The following DNAAF5 variants were observed in gnomAD, a reference collection of about 807,000 sequenced individuals.
DNAAF5 encodes dynein axonemal assembly factor 5, also known as HEAT repeat containing 2.
DNAAF5 carries 64 observed loss-of-function variants against 75.8 expected under a neutral mutation model. The observed-to-expected ratio is 0.84, with a 90% CI of 0.69 to 1.04. DNAAF5 has a LOEUF of 1.04. Among genes scored for constraint, DNAAF5 ranks in the 50% least tolerant of loss-of-function variants. DNAAF5 has a pLI of 0.00. For synonymous variants in DNAAF5, 657 were observed against 557.2 expected (o/e 1.18, Z -2.52); for missense variants, 1,269 against 1,178.5 (o/e 1.08, Z -1.12).
chr7:756,238 A>G (rs1219720876), intron 5 of DNAAF5, among the ~76,000 whole-genome samples: 8 of 103,974 alleles, frequency 7.7e-5, no homozygotes, highest in African/African-American at 1.5e-4. Flanking sequence ...TGTGGTGTCC[A>G]CTGTGGAATC....
At chr7:753,056 G>A (rs1357811212) in intron 4 of DNAAF5, among the ~76,000 whole-genome samples, 5 of 152,216 alleles carry the variant, frequency 3.3e-5, no homozygotes, top group South Asian at 2.1e-4. Flanking sequence ...TGAGCGTACC[G>A]CGTGCCGCTG....
rs1374109856 is a variant in DNAAF5, at chr7:769,090, C to G, written c.1784-1381C>G. ...AGCCAGAGCAGCGAGTACATTGCGT[C>G]TCCGTGTGGCAAGGGCAGGTGCGGG... On this transcript the variant is annotated intron_variant, in intron 8 of 12. Transcript: ENST00000297440. The G allele has an allele frequency of 1.1e-5, 8 of 728,670 alleles. No individual in the cohort carries two copies. The East Asian group carries it at 2.1e-4, about 19-fold the overall frequency. 45.1% of individuals were successfully genotyped at this position (728,670 alleles called of 1,614,324 possible).
At chr7:776,220 C>T (rs907887071) in intron 11 of DNAAF5, among the ~76,000 whole-genome samples, 1 of 152,046 alleles carries the variant, frequency 6.6e-6, no homozygotes, top group African/African-American at 2.4e-5. Context: ...CCTGTAGTTC[C>T]AGCTACTCAG....
At chr7:767,208 C>A (rs917972983) in intron 8 of DNAAF5, among the ~76,000 whole-genome samples, 1 of 139,590 alleles carries the variant, frequency 7.2e-6, no homozygotes, top group African/African-American at 2.7e-5. Context: ...CACTGCCCTC[C>A]AGCCTAGGCG....
intron 11 of DNAAF5, among the ~76,000 whole-genome samples, chr7:778,943 G>A (rs1263158559): frequency 1.3e-5 from 2 of 152,272 alleles, no homozygotes; most frequent in African/African-American, 2.4e-5. Context: ...CATAATGCCT[G>A]GATGTGCTCC....
At chr7:757,552 C>G (rs567182457) in intron 6 of DNAAF5, among the ~76,000 whole-genome samples, 1 of 152,280 alleles carries the variant, frequency 6.6e-6, no homozygotes, top group African/African-American at 2.4e-5. Flanking sequence ...CACAGCCCAG[C>G]TGAGGATTTG....
At chr7:739,548 C>T (rs1040710054) in intron 2 of DNAAF5, among the ~76,000 whole-genome samples, 2 of 152,248 alleles carry the variant, frequency 1.3e-5, no homozygotes, top group Non-Finnish European at 2.9e-5. Context: ...CCGGCAAACG[C>T]GCCACACATT....
At chr7:780,814 GCTTT>G (rs1450852697) in intron 12 of DNAAF5, among the ~76,000 whole-genome samples, 3 of 137,518 alleles carry the variant, frequency 2.2e-5, no homozygotes, top group Non-Finnish European at 3.2e-5. Flanking sequence ...GTAACGATTT[GCTTT>G]TTTTTTTCTT....
rs1365886557 is a variant in DNAAF5 at position 754,465 on chromosome 7, A to C, written c.1025-124A>C. On this transcript the variant is annotated intron_variant, in intron 4 of 12. Coordinates refer to ENST00000297440, the MANE Select transcript of DNAAF5 (RefSeq NM_017802.4). The surrounding 1 kb of genome is among the most constrained non-coding windows in gnomAD (Gnocchi z 4.8). ...CATTTGTCAGCTTTGCGTCCACCCC[A>C]AGACTTGTTTTGAAATGGTGAGGTT... 1 of 833,650 alleles carries C rather than the reference A, an allele frequency of 1.2e-6. No individual in the cohort carries two copies. Among genetic ancestry groups the C allele is most frequent in the Non-Finnish European group, 2.0e-6 (1 of 498,488 alleles). The allele number at this position is 833,650 out of a possible 1,614,324, so 51.6% of individuals were successfully genotyped here.
At chr7:745,255 C>T (rs539450052) in intron 4 of DNAAF5, among the ~76,000 whole-genome samples, 1 of 152,296 alleles carries the variant, frequency 6.6e-6, no homozygotes, top group East Asian at 1.9e-4. Context: ...AGTGGAAGAC[C>T]CTTCAGGTGT....
At chr7:732,484 G>A (rs769285558) in intron 2 of DNAAF5, 25 of 454,380 alleles carry the variant, frequency 5.5e-5, no homozygotes, top group Admixed American at 1.4e-4. Context: ...TGCTCGATGT[G>A]TGCTGCTGGT....
chr7:765,504 C>T lies in DNAAF5; in HGVS notation c.1783+1530C>T, dbSNP rs552669706. ...TGGCTTGCAGTGAAGCCAGGACTTG[C>T]ATTTACTGCAGCTCTGGTGGCTTCT... On this transcript the variant is annotated intron_variant, in intron 8 of 12. Transcript: ENST00000297440. Among the ~76,000 whole-genome samples, 394 of 152,300 alleles carry T rather than the reference C, an allele frequency of 2.6e-3. 1 individual carries two copies. The highest frequency in any genetic ancestry group is 9.8e-3 in the South Asian group (47 of 4,806).
At chr7:779,303 T>G (rs540334857) in intron 11 of DNAAF5, among the ~76,000 whole-genome samples, 1 of 152,162 alleles carries the variant, frequency 6.6e-6, no homozygotes, top group East Asian at 1.9e-4. Context: ...CAGCTGCCCC[T>G]CCCAGCGTCG....
chr7:755,511 C>T (rs1782453148), intron 5 of DNAAF5, among the ~76,000 whole-genome samples: 1 of 152,340 alleles, frequency 6.6e-6, no homozygotes, highest in East Asian at 1.9e-4. Flanking sequence ...ATATCCTCAT[C>T]TTGAACCTTA....
intron 8 of DNAAF5, among the ~76,000 whole-genome samples, chr7:768,231 T>C (rs1339923833): frequency 7.3e-6 from 1 of 137,634 alleles, no homozygotes; most frequent in Non-Finnish European, 1.5e-5. Context: ...AGACACGTGA[T>C]CAGGGCGGAA....
intron 4 of DNAAF5, among the ~76,000 whole-genome samples, chr7:742,242 A>AATAATAG (rs1781933297): frequency 6.6e-6 from 1 of 152,216 alleles, no homozygotes; most frequent in Non-Finnish European, 1.5e-5. Context: ...CTTAAAAGTA[A>AATAATAG]ATAATAGATA....
intron 11 of DNAAF5, among the ~76,000 whole-genome samples, chr7:776,888 G>T (rs1778778994): frequency 6.6e-6 from 1 of 152,208 alleles, no homozygotes; most frequent in Non-Finnish European, 1.5e-5. Context: ...GTTTACGGCT[G>T]CTCCCCATCT....
intron 2 of DNAAF5, among the ~76,000 whole-genome samples, chr7:734,670 T>C (rs1781680703): frequency 6.6e-6 from 1 of 152,268 alleles, no homozygotes; most frequent in Non-Finnish European, 1.5e-5. Flanking sequence ...CTTTAAACGT[T>C]TGATAACATT....
At chr7:760,056 CG>C (rs1562390084) in intron 6 of DNAAF5, among the ~76,000 whole-genome samples, 1 of 148,786 alleles carries the variant, frequency 6.7e-6, no homozygotes. Context: ...CCTCCAGCTC[CG>C]AGGGAGACGG....
Sources: allele counts gnomAD v4.1 joint callset (sites outside exome capture counted in the v4.1 genomes callset), GRCh38; gene constraint gnomAD v4.1.1; non-coding constraint Gnocchi (gnomAD v3.1); transcripts MANE v1.5; gene names NCBI Gene and HGNC (gene_info 2026-07-23, HGNC 2026-07-21).